NKD1: variants seen among roughly 807,000 people sequenced by gnomAD.
NKD1 encodes protein naked cuticle homolog 1.
In NKD1, 21 loss-of-function variants were observed where a neutral mutation model predicts 56.0. The observed-to-expected ratio is 0.38, with a 90% CI of 0.27 to 0.54. The LOEUF is 0.54. Among genes scored for constraint, NKD1 ranks in the 20% least tolerant of loss-of-function variants. The pLI is 0.82. For synonymous variants in NKD1, 263 were observed against 265.7 expected (o/e 0.99, Z 0.10); for missense variants, 578 against 642.7 (o/e 0.90, Z 1.09).
intron 3 of NKD1, among the ~76,000 whole-genome samples, chr16:50,602,564 T>A (rs1290172144): frequency 2.6e-5 from 4 of 152,372 alleles, no homozygotes; most frequent in African/African-American, 9.6e-5. Flanking sequence ...ATGAGAACAC[T>A]TCTGATAAGG....
At chr16:50,600,897 G>A (rs1183930404) in intron 3 of NKD1, among the ~76,000 whole-genome samples, 1 of 152,240 alleles carries the variant, frequency 6.6e-6, no homozygotes, top group Non-Finnish European at 1.5e-5. Context: ...TCAAGCCCAG[G>A]AAGCAGGCTC....
chr16:50,606,412 G>A (rs1429174392), intron 3 of NKD1: 4 of 241,124 alleles, frequency 1.7e-5, no homozygotes, highest in East Asian at 8.7e-5. Context: ...CCATGGCTCC[G>A]GGGAGCTTTC....
intron 1 of NKD1, 68 bp downstream of exon 1, chr16:50,548,646 T>C: frequency 1.4e-6 from 2 of 1,459,570 alleles, no homozygotes; most frequent in Non-Finnish European, 9.0e-7. Flanking sequence ...GCTAACTCTC[T>C]CCCTTCCTTT....
chr16:50,611,251 C>T (rs1961840713), intron 4 of NKD1, among the ~76,000 whole-genome samples: 1 of 152,246 alleles, frequency 6.6e-6, no homozygotes, highest in African/African-American at 2.4e-5. Context: ...TGCCCCCGCC[C>T]AGCTTCTTGG....
At position 50,630,307 on chromosome 16, in the gene NKD1, A is replaced by C; in HGVS notation, c.584A>C (p.Lys195Thr). 3 of 1,614,184 alleles carry C rather than the reference A, an allele frequency of 1.9e-6. No homozygotes were observed. In the East Asian group the frequency reaches 6.7e-5, roughly 36 times the overall value. ...GTGGCCCCCGATGGCAGCCAGAGCA[A>C]GAGGAGCGTCCTTGTCAATCAGGCT... ...LTVAPDGSQS[K>T]RSVLVNQADL... is the part of the protein sequence containing the mutation. Residue 195 changes from lysine (K) to threonine (T), a missense_variant, in exon 7 of 10, where the codon AAG becomes ACG. Physicochemically the swap from Lys to Thr is moderately conservative, Grantham distance 78. Coordinates refer to ENST00000268459, the MANE Select transcript of NKD1 (RefSeq NM_033119.5).
rs1962616511 is a variant in NKD1, at chr16:50,643,324, G to A, written c.*9543G>A. 4 of 152,342 alleles carry A rather than the reference G, an allele frequency of 2.6e-5. No homozygotes were observed. Among genetic ancestry groups the A allele is most frequent in the African/African-American group, 7.2e-5 (3 of 41,574 alleles). The allele number at this position is 152,342 out of a possible 1,614,324, so 9.4% of individuals were successfully genotyped here. A position where few individuals can be genotyped will look rare whatever the true frequency, so the allele number is the denominator to read the frequency against. On this transcript the variant is annotated 3_prime_UTR_variant, in exon 10 of 10. Coordinates refer to ENST00000268459, the MANE Select transcript of NKD1 (RefSeq NM_033119.5). ...TTACCTAACTTGTGGCTAATGCATGGTAGGATTAAACATAAGCCTGACATA... is the reference window on the plus strand; with the variant it reads ...TTACCTAACTTGTGGCTAATGCATGATAGGATTAAACATAAGCCTGACATA...
chr16:50,603,641 G>T (rs1449326946), intron 3 of NKD1, among the ~76,000 whole-genome samples: 3 of 152,380 alleles, frequency 2.0e-5, no homozygotes, highest in Non-Finnish European at 4.4e-5. Flanking sequence ...GGGGCAGGCA[G>T]TGGGGGAAGA....
rs536456424 is a variant in NKD1, at chr16:50,635,306, G to C, written c.*1525G>C. 6.6e-6 allele frequency: 1 copy of C among 152,458 alleles called. No individual in the cohort carries two copies. Among genetic ancestry groups the C allele is most frequent in the South Asian group, 2.1e-4 (1 of 4,830 alleles). 9.4% of individuals were successfully genotyped at this position (152,458 alleles called of 1,614,324 possible). A position where few individuals can be genotyped will look rare whatever the true frequency, so the allele number is the denominator to read the frequency against. On this transcript the variant is annotated 3_prime_UTR_variant, in exon 10 of 10. Transcript: ENST00000268459. This position sits in a 1 kb window ranked among gnomAD's most constrained non-coding sequence, Gnocchi z 4.1. ...TCCAGGGAAATTAATATCCTGACCTGCTTTCCTGCCCCCCAGCCCCCTCAA... is the reference window on the plus strand; with the variant it reads ...TCCAGGGAAATTAATATCCTGACCTCCTTTCCTGCCCCCCAGCCCCCTCAA...
At chr16:50,597,093 C>T (rs764425397) in intron 3 of NKD1, among the ~76,000 whole-genome samples, 26 of 151,740 alleles carry the variant, frequency 1.7e-4, no homozygotes, top group African/African-American at 5.3e-4. Flanking sequence ...GTTGGGGTGG[C>T]GACGAGGGCA....
chr16:50,564,817 G>A (rs986721933), intron 3 of NKD1, among the ~76,000 whole-genome samples: 2 of 151,870 alleles, frequency 1.3e-5, no homozygotes, highest in African/African-American at 2.4e-5. Context: ...TAAGTCGTAC[G>A]CATGGTTAAA....
intron 3 of NKD1, among the ~76,000 whole-genome samples, chr16:50,579,903 C>T (rs1961079811): frequency 6.6e-6 from 1 of 152,064 alleles, no homozygotes; most frequent in Non-Finnish European, 1.5e-5. Flanking sequence ...CACTCTAACT[C>T]GCCACACATG....
In NKD1 at chr16:50,642,671, TA is replaced by T. The variant is rs1567359942; in HGVS notation, c.*8892del. The T allele has an allele frequency of 6.6e-6, 1 of 152,220 alleles. No individual in the cohort carries two copies. Among genetic ancestry groups the T allele is most frequent in the Non-Finnish European group, 1.5e-5 (1 of 68,080 alleles). The allele number at this position is 152,220 out of a possible 1,614,324, so 9.4% of individuals were successfully genotyped here. A position where few individuals can be genotyped will look rare whatever the true frequency, so the allele number is the denominator to read the frequency against. ...AGCCTGGCACGTAATAGGCCCTCGA[TA>T]AGTAAAACAGCAACAGTAGCTGCAG... On this transcript the variant is annotated 3_prime_UTR_variant, in exon 10 of 10. Transcript: ENST00000268459.
chr16:50,569,595 A>C (rs1960838167), intron 3 of NKD1, among the ~76,000 whole-genome samples: 1 of 152,198 alleles, frequency 6.6e-6, no homozygotes, highest in Non-Finnish European at 1.5e-5. Context: ...CCTTACCAAT[A>C]AAATGGGATG....
At chr16:50,596,472 C>T (rs909499969) in intron 3 of NKD1, among the ~76,000 whole-genome samples, 21 of 152,200 alleles carry the variant, frequency 1.4e-4, no homozygotes, top group African/African-American at 4.1e-4. Flanking sequence ...AATCCAGCAC[C>T]GGGCACCATT....
intron 3 of NKD1, among the ~76,000 whole-genome samples, chr16:50,554,190 TG>T (rs1046863804): frequency 1.3e-5 from 2 of 152,138 alleles, no homozygotes; most frequent in Non-Finnish European, 2.9e-5. Flanking sequence ...TTCACATTTT[TG>T]TAGGAAACCT....
In NKD1 at chr16:50,633,876, T is replaced by C; in HGVS notation, c.*95T>C. On this transcript the variant is annotated 3_prime_UTR_variant, in exon 10 of 10. Coordinates refer to ENST00000268459, the MANE Select transcript of NKD1 (RefSeq NM_033119.5). This position sits in a 1 kb window ranked among gnomAD's most constrained non-coding sequence, Gnocchi z 4.9. ...CTATTAATTATTGTTATTATGATGATTATTGTTATTAATAATTATTGTTAC... is the reference window on the plus strand; with the variant it reads ...CTATTAATTATTGTTATTATGATGACTATTGTTATTAATAATTATTGTTAC... 1 of 602,344 alleles carries C rather than the reference T, an allele frequency of 1.7e-6. No homozygotes were observed. Among genetic ancestry groups the C allele is most frequent in the Non-Finnish European group, 2.8e-6 (1 of 356,332 alleles). 37.3% of individuals were successfully genotyped at this position (602,344 alleles called of 1,614,324 possible). A position where few individuals can be genotyped will look rare whatever the true frequency, so the allele number is the denominator to read the frequency against.
intron 2 of NKD1, 192 bp downstream of exon 2, chr16:50,548,941 GTCCTGCGC>G: frequency 2.1e-6 from 2 of 957,152 alleles, no homozygotes; most frequent in Non-Finnish European, 2.5e-6. Flanking sequence ...GCTCCCCGCG[GTCCTGCGC>G]TCCCACCGCT....
rs1340369538 is a variant in NKD1, at chr16:50,598,466, T to A, written c.193-9828T>A. On this transcript the variant is annotated intron_variant, in intron 3 of 9. Transcript: ENST00000268459. This position sits in a 1 kb window ranked among gnomAD's most constrained non-coding sequence, Gnocchi z 4.2. ...CTTCCCTGGGCAGGAGCACACATCC[T>A]TTCCCCACAGTGAGGTGGCCTATGG... Among the ~76,000 whole-genome samples the A allele has an allele frequency of 6.6e-6, 1 of 152,170 alleles. No individual in the cohort carries two copies. The highest frequency in any genetic ancestry group is 1.5e-5 in the Non-Finnish European group (1 of 68,014).
At position 50,633,118 on chromosome 16, in the gene NKD1, G is replaced by T. The variant is rs972114395; in HGVS notation, c.824-74G>T. The T allele has an allele frequency of 4.4e-6, 6 of 1,366,670 alleles. No individual in the cohort carries two copies. The highest frequency in any genetic ancestry group is 2.6e-5 in the East Asian group (1 of 39,044). 84.7% of individuals were successfully genotyped at this position (1,366,670 alleles called of 1,614,324 possible). On this transcript the variant is annotated intron_variant, in intron 9 of 9. Coordinates refer to ENST00000268459, the MANE Select transcript of NKD1 (RefSeq NM_033119.5). The surrounding 1 kb of genome is among the most constrained non-coding windows in gnomAD (Gnocchi z 4.9). ...TGGTTTTGGAGAACTGGGGGCGGGG[G>T]TGATGTCTGGGGTATAGCGCAAGCC...
Sources: allele counts gnomAD v4.1 joint callset (sites outside exome capture counted in the v4.1 genomes callset), GRCh38; gene constraint gnomAD v4.1.1; non-coding constraint Gnocchi (gnomAD v3.1); transcripts MANE v1.5; gene names NCBI Gene and HGNC (gene_info 2026-07-23, HGNC 2026-07-21).